The following NCOA1 variants were observed in gnomAD, a reference collection of about 807,000 sequenced individuals.
The protein encoded by NCOA1 is nuclear receptor coactivator 1.
A neutral mutation model predicts 150.9 loss-of-function variants in NCOA1; 35 were observed. That is an observed-to-expected ratio of 0.23 (90% CI 0.18 to 0.31). NCOA1 has a LOEUF of 0.31. NCOA1 is among the 10% of genes least tolerant of loss of function. The pLI, the probability that NCOA1 is intolerant of heterozygous loss-of-function variation, is 1.00. For missense variants in NCOA1, 1,491 were observed against 1,749.3 expected (o/e 0.85, Z 2.63); for synonymous variants, 590 against 630.0 (o/e 0.94, Z 0.95).
At chr2:24,654,642 T>C (rs1670848213) in intron 4 of NCOA1, among the ~76,000 whole-genome samples, 1 of 152,162 alleles carries the variant, frequency 6.6e-6, no homozygotes, top group African/African-American at 2.4e-5. Flanking sequence ...CATCCTTCTG[T>C]TGTTAATCCT....
chr2:24,702,912 A>T (rs1480414118), intron 11 of NCOA1, among the ~76,000 whole-genome samples: 1 of 152,246 alleles, frequency 6.6e-6, no homozygotes, highest in Non-Finnish European at 1.5e-5. Flanking sequence ...TACCTTACTC[A>T]TCTCTTAATT....
rs117229154 is a variant in NCOA1, at chr2:24,575,163, G to A, written c.-259-9313G>A. ...GTGTTGCTGCAAATCAGTGGTATTC[G>A]CTTTCATTATTTTTGTATTTTTCTC... On this transcript the variant is annotated intron_variant, in intron 2 of 22. Transcript: ENST00000348332. Among the ~76,000 whole-genome samples, 6 of 151,756 alleles carry A rather than the reference G, an allele frequency of 4.0e-5. No individual in the cohort carries two copies. In the East Asian group the frequency reaches 7.7e-4, roughly 20 times the overall value.
intron 1 of NCOA1, among the ~76,000 whole-genome samples, chr2:24,555,753 C>T (rs914441689): frequency 4.6e-5 from 7 of 152,232 alleles, no homozygotes; most frequent in East Asian, 1.9e-4. Flanking sequence ...TTTGTTTTGT[C>T]GATATTGTAT....
intron 7 of NCOA1, among the ~76,000 whole-genome samples, chr2:24,677,758 G>A (rs1256121158): frequency 6.6e-6 from 1 of 152,168 alleles, no homozygotes; most frequent in Non-Finnish European, 1.5e-5. Context: ...GTTCCACATG[G>A]CTAGGGAAGC....
chr2:24,685,272 G>A (rs141098395), intron 8 of NCOA1, among the ~76,000 whole-genome samples: 5 of 152,158 alleles, frequency 3.3e-5, no homozygotes, highest in Non-Finnish European at 5.9e-5. Flanking sequence ...TCTAAAATCT[G>A]TACTTTTTAA....
chr2:24,500,706 A>C (rs924869518), intron 1 of NCOA1, among the ~76,000 whole-genome samples: 1 of 152,236 alleles, frequency 6.6e-6, no homozygotes, highest in Non-Finnish European at 1.5e-5. Context: ...ACAAAAAGAC[A>C]AATGTCCCAA....
At chr2:24,761,554 T>G (rs1479835846) in intron 21 of NCOA1, among the ~76,000 whole-genome samples, 1 of 152,248 alleles carries the variant, frequency 6.6e-6, no homozygotes, top group Non-Finnish European at 1.5e-5. Flanking sequence ...ATAATTGTCC[T>G]GATATTTCTC....
intron 7 of NCOA1, among the ~76,000 whole-genome samples, chr2:24,677,918 G>A (rs1671993220): frequency 6.6e-6 from 1 of 152,028 alleles, no homozygotes; most frequent in South Asian, 2.1e-4. Flanking sequence ...TGTGTAGGAT[G>A]TGCAGGTTTG....
intron 3 of NCOA1, among the ~76,000 whole-genome samples, chr2:24,632,748 A>T (rs182158540): frequency 6.6e-6 from 1 of 152,358 alleles, no homozygotes; most frequent in East Asian, 1.9e-4. Flanking sequence ...TTTGTTTCTT[A>T]TAGGGGTATA....
chr2:24,590,932 T>C (rs1572459183), intron 3 of NCOA1, among the ~76,000 whole-genome samples: 1 of 152,218 alleles, frequency 6.6e-6, no homozygotes, highest in Non-Finnish European at 1.5e-5. Context: ...ATAAATAGCA[T>C]GCAGGCAGAG....
chr2:24,621,545 C>G (rs1406225209), intron 3 of NCOA1, among the ~76,000 whole-genome samples: 1 of 144,780 alleles, frequency 6.9e-6, no homozygotes, highest in Non-Finnish European at 1.5e-5. Context: ...CAGCTCACTG[C>G]AACCTCCACC....
At chr2:24,608,344 G>A (rs1435995184) in intron 3 of NCOA1, among the ~76,000 whole-genome samples, 3 of 149,738 alleles carry the variant, frequency 2.0e-5, no homozygotes, top group Non-Finnish European at 4.4e-5. Context: ...GCAGTGGTGC[G>A]ATCTCTGCTC....
chr2:24,663,665 T>G (rs1572559673), intron 5 of NCOA1, among the ~76,000 whole-genome samples: 2 of 152,168 alleles, frequency 1.3e-5, no homozygotes, highest in Non-Finnish European at 2.9e-5. Context: ...TAAGGTAGAA[T>G]TTTTTTGCCA....
intron 2 of NCOA1, among the ~76,000 whole-genome samples, chr2:24,574,048 C>T (rs1572436733): frequency 1.3e-5 from 2 of 151,536 alleles, no homozygotes; most frequent in Non-Finnish European, 1.5e-5. Flanking sequence ...AAAACAGAAA[C>T]CACAGAAATG....
chr2:24,590,038 C>T (rs1667587581), intron 3 of NCOA1, among the ~76,000 whole-genome samples: 1 of 152,150 alleles, frequency 6.6e-6, no homozygotes, highest in Admixed American at 6.5e-5. Context: ...AACTATAATC[C>T]TACTCTTTTC....
At chr2:24,496,323 A>G (rs1475595460) in intron 1 of NCOA1, among the ~76,000 whole-genome samples, 1 of 152,204 alleles carries the variant, frequency 6.6e-6, no homozygotes. Context: ...ATTCCAGAAA[A>G]TTTGCTGTAG....
intron 14 of NCOA1, among the ~76,000 whole-genome samples, chr2:24,712,967 C>T (rs1292034502): frequency 2.6e-5 from 4 of 152,050 alleles, no homozygotes; most frequent in Admixed American, 6.6e-5. Context: ...CGGTGGCTCA[C>T]GCCTGTAATC....
rs761846908 is a variant in NCOA1, at chr2:24,728,343, G to C, written c.2753G>C (p.Cys918Ser). 1.2e-6 allele frequency: 2 copies of C among 1,613,208 alleles called. No individual in the cohort carries two copies. Among genetic ancestry groups the C allele is most frequent in the East Asian group, 4.5e-5 (2 of 44,788 alleles). ...CISSQLDELL[C>S]PPTTVEGRND... ...AGCTCACAATTAGATGAGCTTCTCTGTCCACCCACAACAGTAGAAGGGAGA... is the reference window on the plus strand; with the variant it reads ...AGCTCACAATTAGATGAGCTTCTCTCTCCACCCACAACAGTAGAAGGGAGA... The change falls in exon 16 of 23, where the codon TGT (cysteine) becomes TCT (serine). Residue 918 changes from cysteine to serine, a missense_variant. By Grantham distance (112) the Cys-to-Ser change is moderately radical. Around this residue, in one of 8 missense-constraint regions of NCOA1, gnomAD observed 703 missense variants for 717.7 expected, o/e 0.98. Transcript: ENST00000348332.
intron 3 of NCOA1, among the ~76,000 whole-genome samples, chr2:24,606,344 C>G (rs1034746258): frequency 1.6e-4 from 25 of 152,228 alleles, no homozygotes; most frequent in African/African-American, 5.3e-4. Context: ...TTGAGAGATT[C>G]TCCTGTCTCA....
Sources: gnomAD v4.1 joint callset for allele counts (sites outside exome capture counted in the v4.1 genomes callset) on GRCh38, gnomAD v4.1.1 for gene constraint, gnomAD v4.1.1 regional missense constraint, MANE v1.5 for transcripts, NCBI Gene and HGNC (gene_info 2026-07-23, HGNC 2026-07-21) for gene names.